The following WWOX variants were observed in gnomAD, a reference collection of about 807,000 sequenced individuals.
WWOX encodes WW domain-containing oxidoreductase.
Under a neutral mutation model 46.2 loss-of-function variants are expected in WWOX, and 69 were observed. The observed-to-expected ratio is 1.49, with a 90% CI of 1.23 to 1.82. WWOX has a LOEUF of 1.82. Among genes scored for constraint, WWOX ranks in the 40% most tolerant of loss-of-function variants. The pLI is 0.00. For missense variants in WWOX, 919 were observed against 542.6 expected (o/e 1.69, Z -6.89); for synonymous variants, 359 against 202.6 (o/e 1.77, Z -6.56).
rs186134078 is a variant in WWOX at position 78,127,357 on chromosome 16, G to C, written c.409+12203G>C. Among the ~76,000 whole-genome samples the C allele has an allele frequency of 2.2e-4, 34 of 152,160 alleles. 1 individual carries two copies. Among genetic ancestry groups the C allele is most frequent in the Admixed American group, 1.8e-3 (27 of 15,290 alleles). On this transcript the variant is annotated intron_variant, in intron 4 of 8. Transcript: ENST00000566780. ...TATTTTCCTAGCTTCCTGGTTCCCA[G>C]ATCCTCAAGAGGCTGCCATAATCTC...
chr16:78,923,247 C>G (rs182843316), intron 8 of WWOX, among the ~76,000 whole-genome samples: 3 of 152,266 alleles, frequency 2.0e-5, no homozygotes, highest in African/African-American at 7.2e-5. Flanking sequence ...TCCCAAAGCA[C>G]TGGGATTACA....
At chr16:79,192,171 T>C (rs1249126287) in intron 8 of WWOX, among the ~76,000 whole-genome samples, 1 of 152,234 alleles carries the variant, frequency 6.6e-6, no homozygotes, top group Admixed American at 6.5e-5. Context: ...AAATTGCTCC[T>C]GCCAGCTCTA....
intron 8 of WWOX, among the ~76,000 whole-genome samples, chr16:78,773,184 C>A (rs2050106542): frequency 6.6e-6 from 1 of 152,150 alleles, no homozygotes; most frequent in Non-Finnish European, 1.5e-5. Context: ...TAGAACAGTG[C>A]CTAAACATTT....
intron 8 of WWOX, among the ~76,000 whole-genome samples, chr16:78,883,094 A>G (rs1191168304): frequency 6.6e-6 from 1 of 152,202 alleles, no homozygotes; most frequent in Non-Finnish European, 1.5e-5. Flanking sequence ...GGGTCCAGAA[A>G]AGGGTAGATA....
intron 8 of WWOX, among the ~76,000 whole-genome samples, chr16:78,591,497 T>G (rs1023931883): frequency 1.3e-5 from 2 of 152,198 alleles, no homozygotes; most frequent in Non-Finnish European, 2.9e-5. Flanking sequence ...ACATGGAGCC[T>G]CACTTTATAG....
At chr16:78,348,104 T>C (rs2081123522) in intron 5 of WWOX, among the ~76,000 whole-genome samples, 1 of 122,450 alleles carries the variant, frequency 8.2e-6, no homozygotes, top group African/African-American at 2.8e-5. Context: ...ATAGTTCTTT[T>C]ATTATTGCTC....
chr16:78,305,945 G>T (rs2080126560), intron 5 of WWOX, among the ~76,000 whole-genome samples: 1 of 152,002 alleles, frequency 6.6e-6, no homozygotes, highest in Admixed American at 6.5e-5. Flanking sequence ...AGACCACCAA[G>T]AATTACTTTC....
chr16:79,005,997 C>G (rs1227194428), intron 8 of WWOX, among the ~76,000 whole-genome samples: 3 of 152,204 alleles, frequency 2.0e-5, no homozygotes, highest in Admixed American at 6.5e-5. Flanking sequence ...TTAGTCCCCT[C>G]TCTGCAACCA....
At chr16:78,583,195 A>C (rs148929474) in intron 8 of WWOX, among the ~76,000 whole-genome samples, 2 of 152,300 alleles carry the variant, frequency 1.3e-5, no homozygotes, top group East Asian at 3.9e-4. Flanking sequence ...TGTGTTCCTG[A>C]AACTCAGGAG....
At chr16:78,315,616 C>A (rs1488425243) in intron 5 of WWOX, among the ~76,000 whole-genome samples, 3 of 152,124 alleles carry the variant, frequency 2.0e-5, no homozygotes, top group Non-Finnish European at 2.9e-5. Flanking sequence ...TGCCACTGTA[C>A]TCCAGCCTGG....
At chr16:78,909,275 A>G (rs1444716940) in intron 8 of WWOX, among the ~76,000 whole-genome samples, 1 of 152,180 alleles carries the variant, frequency 6.6e-6, no homozygotes, top group Admixed American at 6.5e-5. Flanking sequence ...ACATTAAGAG[A>G]CAGGCACTTG....
rs149565816 is a variant in WWOX at position 78,325,746 on chromosome 16, T to C, written c.517-61114T>C. Among the ~76,000 whole-genome samples the C allele has an allele frequency of 5.9e-5, 9 of 152,364 alleles. No homozygotes were observed. The East Asian group carries it at 1.5e-3, about 26-fold the overall frequency. ...GGACTGTAACCTGAGTGACTGCTGA[T>C]ATATTAGCCTTGCAGGCAAGGAAGC... On this transcript the variant is annotated intron_variant, in intron 5 of 8. Coordinates refer to ENST00000566780, the MANE Select transcript of WWOX (RefSeq NM_016373.4).
At chr16:78,492,534 C>G (rs1022175662) in intron 8 of WWOX, among the ~76,000 whole-genome samples, 1 of 152,182 alleles carries the variant, frequency 6.6e-6, no homozygotes, top group African/African-American at 2.4e-5. Context: ...TAACAGCGAG[C>G]AGGAGACAGT....
chr16:78,157,307 C>T (rs1378708106), intron 4 of WWOX, among the ~76,000 whole-genome samples: 5 of 152,126 alleles, frequency 3.3e-5, no homozygotes, highest in East Asian at 1.9e-4. Flanking sequence ...AGACTTTGTT[C>T]GGTGCCTGCC....
chr16:78,705,733 G>A (rs1193707540), intron 8 of WWOX, among the ~76,000 whole-genome samples: 4 of 152,062 alleles, frequency 2.6e-5, no homozygotes, highest in Non-Finnish European at 5.9e-5. Flanking sequence ...TGGTGACTTT[G>A]TGTAATGCTG....
At chr16:78,192,048 T>C (rs955045050) in intron 5 of WWOX, among the ~76,000 whole-genome samples, 3 of 152,210 alleles carry the variant, frequency 2.0e-5, no homozygotes, top group African/African-American at 7.2e-5. Flanking sequence ...TGTTTCTATT[T>C]CTTTGTTTAT....
At chr16:78,791,691 A>G (rs1216837793) in intron 8 of WWOX, among the ~76,000 whole-genome samples, 1 of 152,128 alleles carries the variant, frequency 6.6e-6, no homozygotes, top group African/African-American at 2.4e-5. Flanking sequence ...CAGCCTGGCC[A>G]ACATGATGAA....
intron 4 of WWOX, among the ~76,000 whole-genome samples, chr16:78,147,083 A>T (rs548288631): frequency 2.0e-5 from 3 of 152,214 alleles, no homozygotes; most frequent in Non-Finnish European, 4.4e-5. Flanking sequence ...GATTTTACAA[A>T]ACTTTAAAAA....
At chr16:78,376,844 G>T (rs558339125) in intron 5 of WWOX, among the ~76,000 whole-genome samples, 1 of 152,310 alleles carries the variant, frequency 6.6e-6, no homozygotes, top group South Asian at 2.1e-4. Flanking sequence ...CCAACAGCTG[G>T]AACTGAGACC....
Sources: allele counts gnomAD v4.1 joint callset (sites outside exome capture counted in the v4.1 genomes callset), GRCh38; gene constraint gnomAD v4.1.1; transcripts MANE v1.5; gene names NCBI Gene and HGNC (gene_info 2026-07-23, HGNC 2026-07-21).